MFSD11: variants seen among roughly 807,000 people sequenced by gnomAD.
MFSD11 encodes major facilitator superfamily domain containing 11.
Under a neutral mutation model 53.5 loss-of-function variants are expected in MFSD11, and 36 were observed. The observed-to-expected ratio is 0.67, with a 90% CI of 0.52 to 0.89. The LOEUF is 0.89. MFSD11 is among the 40% of genes least tolerant of loss of function. MFSD11 has a pLI of 0.00. For missense variants in MFSD11, 530 were observed against 543.9 expected (o/e 0.97, Z 0.25); for synonymous variants, 186 against 184.9 (o/e 1.01, Z -0.05).
chr17:76,772,827 A>G (rs1209635845), intron 10 of MFSD11, among the ~76,000 whole-genome samples: 2 of 152,020 alleles, frequency 1.3e-5, no homozygotes, highest in African/African-American at 4.8e-5. Context: ...TCCTGTCAGT[A>G]TTTTTGAGCT....
At chr17:76,737,506 G>A, upstream of MFSD11, 1 of 314,426 alleles carries the variant, frequency 3.2e-6, no homozygotes, top group Non-Finnish European at 5.9e-6. Flanking sequence ...GGGCCAAAAA[G>A]CGCGGAGTCA....
intron 7 of MFSD11, among the ~76,000 whole-genome samples, chr17:76,749,541 AAG>A (rs202112098): frequency 1.2e-4 from 15 of 127,100 alleles, no homozygotes; most frequent in East Asian, 2.3e-4. Context: ...CAAAAAAAAA[AAG>A]AAGAAGAAGG....
At chr17:76,737,183 C>T (rs750428784), upstream of MFSD11, 141 of 1,526,358 alleles carry the variant, frequency 9.2e-5, no homozygotes, top group South Asian at 1.6e-3. Flanking sequence ...CGGCCCGGAG[C>T]CCCGCGAACT....
rs2078010156 is a variant in MFSD11 at position 76,740,893 on chromosome 17, GAC to G, written c.153-60_153-59del. The G allele has an allele frequency of 4.5e-6, 4 of 887,976 alleles. No individual in the cohort carries two copies. The Admixed American group carries it at 6.6e-5, about 15-fold the overall frequency. 55.0% of individuals were successfully genotyped at this position (887,976 alleles called of 1,614,324 possible). A position where few individuals can be genotyped will look rare whatever the true frequency, so the allele number is the denominator to read the frequency against. The stretch of plus-strand genomic sequence containing the variant: ...TATAAACAAATGGATTTTAAACAGT[GAC>G]ACAGCATATAAGGGCTTTGTTCTTT... On this transcript the variant is annotated intron_variant, in intron 2 of 12. Transcript: ENST00000685175.
intron 2 of MFSD11, among the ~76,000 whole-genome samples, chr17:76,739,305 A>C (rs1019048775): frequency 1.3e-5 from 2 of 152,242 alleles, no homozygotes; most frequent in Non-Finnish European, 2.9e-5. Context: ...ATGGCATTGA[A>C]TAAGCACTCT....
upstream of MFSD11, chr17:76,737,522 G>A: frequency 3.4e-6 from 1 of 292,346 alleles, no homozygotes; most frequent in Non-Finnish European, 6.4e-6. Flanking sequence ...AGTCACGGCT[G>A]GAGGGAGGGG....
chr17:76,787,133 CTTT>C, the MFSD11 span, among the ~76,000 whole-genome samples: 10 of 114,922 alleles, frequency 8.7e-5, no homozygotes, highest in Admixed American at 9.1e-5. Flanking sequence ...TGAGTGATTT[CTTT>C]TTTTTTTTTT....
chr17:76,737,296 A>G (rs1369116675), upstream of MFSD11: 4 of 1,255,456 alleles, frequency 3.2e-6, no homozygotes, highest in East Asian at 2.6e-5. Flanking sequence ...AACAGCACGG[A>G]CGGGCTCCGC....
chr17:76,753,941 C>G (rs2079317456), intron 7 of MFSD11, 106 bp from the exon 8 acceptor site: 1 of 881,350 alleles, frequency 1.1e-6, no homozygotes, highest in Non-Finnish European at 1.7e-6. Context: ...CATCTCAGAC[C>G]TGGTATAGGA....
downstream of MFSD11, among the ~76,000 whole-genome samples, chr17:76,785,259 A>G (rs575737359): frequency 2.0e-5 from 3 of 152,310 alleles, no homozygotes; most frequent in African/African-American, 7.2e-5. Flanking sequence ...TGAAGTACCT[A>G]GAGTAGACAA....
chr17:76,739,083 A>G lies in MFSD11; in HGVS notation c.152+90A>G, dbSNP rs1309010927. ...CACCAGCAATAGAATATTGTGATTG[A>G]ATAAGTGGTGATGGCATTTTCTCTT... On this transcript the variant is annotated intron_variant, in intron 2 of 12. Transcript: ENST00000685175. 3 of 1,001,018 alleles carry G rather than the reference A, an allele frequency of 3.0e-6. No homozygotes were observed. In the African/African-American group the frequency reaches 4.8e-5, roughly 16 times the overall value. 62.0% of individuals were successfully genotyped at this position (1,001,018 alleles called of 1,614,324 possible). A position where few individuals can be genotyped will look rare whatever the true frequency, so the allele number is the denominator to read the frequency against.
intron 8 of MFSD11, among the ~76,000 whole-genome samples, chr17:76,756,216 G>T (rs1446470041): frequency 1.3e-5 from 2 of 149,640 alleles, no homozygotes; most frequent in Non-Finnish European, 3.0e-5. Flanking sequence ...TCTGCCTCCC[G>T]GATTCAAGTG....
chr17:76,787,209 C>T, the MFSD11 span, among the ~76,000 whole-genome samples: 3 of 149,552 alleles, frequency 2.0e-5, no homozygotes, highest in South Asian at 2.1e-4. Context: ...GATCTCGACT[C>T]ACCGCAACCT....
chr17:76,801,612 A>G, the MFSD11 span, among the ~76,000 whole-genome samples: 1 of 151,730 alleles, frequency 6.6e-6, no homozygotes, highest in African/African-American at 2.4e-5. Context: ...ACGCCTGGCT[A>G]ATTTTGCATT....
At chr17:76,784,813 C>T (rs776938629), downstream of MFSD11, among the ~76,000 whole-genome samples, 12 of 152,052 alleles carry the variant, frequency 7.9e-5, no homozygotes, top group Admixed American at 3.9e-4. Flanking sequence ...GCAGGATAAT[C>T]GCTGGAACCC....
chr17:76,782,127 C>T (rs2082178031), downstream of MFSD11, among the ~76,000 whole-genome samples: 2 of 149,574 alleles, frequency 1.3e-5, no homozygotes, highest in African/African-American at 2.5e-5. Context: ...TTTTTTCTCC[C>T]CCGCCCCCGG....
chr17:76,738,874 A>T (rs1285737982), intron 1 of MFSD11, 64 bp from the exon 2 acceptor site: 2 of 1,297,022 alleles, frequency 1.5e-6, no homozygotes, highest in African/African-American at 1.5e-5. Flanking sequence ...TTGGAGTCAC[A>T]CTTCCCAAGG....
chr17:76,770,046 T>TTTC (rs1195428147), intron 10 of MFSD11, among the ~76,000 whole-genome samples, 175 bp downstream of exon 10: 1 of 146,470 alleles, frequency 6.8e-6, no homozygotes, highest in Non-Finnish European at 1.5e-5. Flanking sequence ...TTTTTTTTTT[T>TTTC]TTCCAGACAG....
rs919719538 is a variant in MFSD11 at position 76,738,181 on chromosome 17, C to G, written c.-172C>G. 1.6e-6 allele frequency: 1 copy of G among 609,634 alleles called. No individual in the cohort carries two copies. Among genetic ancestry groups the G allele is most frequent in the Non-Finnish European group, 2.9e-6 (1 of 343,920 alleles). The allele number at this position is 609,634 out of a possible 1,614,324, so 37.8% of individuals were successfully genotyped here. ...CTAACTGCCGGTGGGGAGAACTTCG[C>G]CCTAAACCTGGGGTTCCGATCCAGG... is the stretch of plus-strand genomic sequence containing the variant. On this transcript the variant is annotated 5_prime_UTR_variant, in exon 1 of 13. Transcript: ENST00000685175.
Sources: allele counts gnomAD v4.1 joint callset (sites outside exome capture counted in the v4.1 genomes callset), GRCh38; gene constraint gnomAD v4.1.1; transcripts MANE v1.5; gene names NCBI Gene and HGNC (gene_info 2026-07-23, HGNC 2026-07-21).